EYS: variants seen among roughly 807,000 people sequenced by gnomAD.
EYS encodes EGF-like photoreceptor maintenance factor, also known as protein eyes shut homolog.
In EYS, 250 loss-of-function variants were observed where a neutral mutation model predicts 282.1. That is an observed-to-expected ratio of 0.89 (90% CI 0.80 to 0.98). EYS has a LOEUF of 0.98. EYS is among the 50% of genes least tolerant of loss of function. The pLI is 0.00. For synonymous variants in EYS, 1,355 were observed against 1,282.9 expected, an observed-to-expected ratio of 1.06 and a Z score of -1.20; for missense variants, 4,016 against 3,709.0, an observed-to-expected ratio of 1.08 and a Z score of -2.15.
At chr6:64,789,901 AT>A (rs2149999517) in intron 22 of EYS, among the ~76,000 whole-genome samples, 1 of 151,858 alleles carries the variant, frequency 6.6e-6, no homozygotes, top group South Asian at 2.1e-4. Context: ...ATATATATAT[AT>A]AAATGTCAAA....
chr6:64,195,099 T>C (rs995966296), intron 31 of EYS, among the ~76,000 whole-genome samples: 4 of 152,182 alleles, frequency 2.6e-5, no homozygotes, highest in Non-Finnish European at 5.9e-5. Flanking sequence ...TTGTTTATAT[T>C]TACTTACATA....
At chr6:64,512,340 AG>A (rs1777436314) in intron 26 of EYS, among the ~76,000 whole-genome samples, 1 of 152,098 alleles carries the variant, frequency 6.6e-6, no homozygotes, top group African/African-American at 2.4e-5. Context: ...TGGAAAGAAT[AG>A]TACCAGCCAA....
At chr6:65,031,996 T>G (rs1249270704) in intron 13 of EYS, among the ~76,000 whole-genome samples, 1 of 151,958 alleles carries the variant, frequency 6.6e-6, no homozygotes, top group Non-Finnish European at 1.5e-5. Flanking sequence ...ATTAAAATGT[T>G]GAAGATCCAA....
chr6:64,676,497 C>A (rs1337283539), intron 22 of EYS, among the ~76,000 whole-genome samples: 1 of 151,786 alleles, frequency 6.6e-6, no homozygotes, highest in Non-Finnish European at 1.5e-5. Context: ...ATTGTTATTA[C>A]AAATAATTTT....
chr6:64,830,364 G>A (rs1253365488), intron 19 of EYS, among the ~76,000 whole-genome samples: 2 of 151,934 alleles, frequency 1.3e-5, no homozygotes, highest in Admixed American at 6.6e-5. Context: ...ATAATGGGGA[G>A]GGGGGAAGTA....
chr6:64,163,614 A>G (rs1775176441), intron 31 of EYS, among the ~76,000 whole-genome samples: 1 of 152,154 alleles, frequency 6.6e-6, no homozygotes, highest in Non-Finnish European at 1.5e-5. Flanking sequence ...TATTATGTGA[A>G]GAATGTCATG....
chr6:64,758,740 C>T (rs1250652514), intron 22 of EYS, among the ~76,000 whole-genome samples: 2 of 152,094 alleles, frequency 1.3e-5, no homozygotes, highest in Non-Finnish European at 2.9e-5. Flanking sequence ...GGAGATGGAG[C>T]TAAAGTCTAT....
intron 31 of EYS, among the ~76,000 whole-genome samples, chr6:64,108,379 A>C (rs374368700): frequency 6.6e-5 from 10 of 151,890 alleles, no homozygotes; most frequent in Non-Finnish European, 1.0e-4. Flanking sequence ...GCCTTGTGAC[A>C]TTACTTCTCT....
chr6:64,753,119 A>C, intron 22 of EYS, among the ~76,000 whole-genome samples: 1 of 152,156 alleles, frequency 6.6e-6, no homozygotes, highest in African/African-American at 2.4e-5. Flanking sequence ...TGGAGATAAA[A>C]GGGTGATGCT....
At chr6:63,905,475 G>GC (rs1773756293) in intron 35 of EYS, among the ~76,000 whole-genome samples, 1 of 151,382 alleles carries the variant, frequency 6.6e-6, no homozygotes, top group Non-Finnish European at 1.5e-5. Flanking sequence ...GATTACAGGC[G>GC]CCCGCCACCA....
intron 30 of EYS, among the ~76,000 whole-genome samples, chr6:64,246,669 T>A (rs2150346249): frequency 6.6e-6 from 1 of 152,302 alleles, no homozygotes; most frequent in Non-Finnish European, 1.5e-5. Flanking sequence ...AATGAACACT[T>A]ACCATAGTTC....
At chr6:63,948,988 C>T (rs1765483881) in intron 35 of EYS, among the ~76,000 whole-genome samples, 1 of 151,854 alleles carries the variant, frequency 6.6e-6, no homozygotes, top group Admixed American at 6.6e-5. Context: ...CAGAATTGTT[C>T]AGTTACTACA....
chr6:64,382,445 A>G (rs1772779167), intron 29 of EYS, among the ~76,000 whole-genome samples: 2 of 152,158 alleles, frequency 1.3e-5, no homozygotes, highest in South Asian at 4.1e-4. Flanking sequence ...AATCTTCCCC[A>G]TCTTAATGAT....
At chr6:64,249,142 T>C (rs1294111544) in intron 30 of EYS, among the ~76,000 whole-genome samples, 1 of 146,692 alleles carries the variant, frequency 6.8e-6, no homozygotes. Context: ...AAATATAGAA[T>C]CAACATAAAG....
intron 41 of EYS, among the ~76,000 whole-genome samples, chr6:63,730,041 C>T (rs1582149599): frequency 1.3e-5 from 2 of 152,112 alleles, no homozygotes; most frequent in East Asian, 3.8e-4. Flanking sequence ...GATACTCTTC[C>T]CTCAGCCTTC....
At chr6:64,960,645 C>T (rs1224545943) in intron 14 of EYS, among the ~76,000 whole-genome samples, 1 of 152,000 alleles carries the variant, frequency 6.6e-6, no homozygotes, top group East Asian at 1.9e-4. Flanking sequence ...TATATTTTTC[C>T]TTCTTTTTAA....
chr6:65,041,404 G>C (rs560210569), intron 13 of EYS, among the ~76,000 whole-genome samples: 1 of 151,534 alleles, frequency 6.6e-6, no homozygotes, highest in Non-Finnish European at 1.5e-5. Flanking sequence ...TACCTGAGGG[G>C]TCTACATTCC....
At chr6:65,074,142 C>T (rs1304743258) in intron 12 of EYS, among the ~76,000 whole-genome samples, 4 of 151,934 alleles carry the variant, frequency 2.6e-5, no homozygotes, top group Admixed American at 2.0e-4. Flanking sequence ...GAAAATAAAA[C>T]GGAATTGTTT....
intron 12 of EYS, among the ~76,000 whole-genome samples, chr6:65,095,363 C>A (rs77646321): frequency 1.3e-5 from 2 of 150,346 alleles, no homozygotes; most frequent in East Asian, 1.9e-4. Context: ...CAGTTAATAT[C>A]CATATATTGT....
Sources: gnomAD v4.1 joint callset for allele counts (sites outside exome capture counted in the v4.1 genomes callset) on GRCh38, gnomAD v4.1.1 for gene constraint, MANE v1.5 for transcripts, NCBI Gene and HGNC (gene_info 2026-07-23, HGNC 2026-07-21) for gene names.